Variants in NOL4 observed in about 807,000 individuals in gnomAD.
NOL4 encodes cancer/testis antigen 125.
Under a neutral mutation model 75.9 loss-of-function variants are expected in NOL4, and 17 were observed. The observed-to-expected ratio is 0.22, with a 90% confidence interval of 0.15 to 0.34. The LOEUF is 0.34. Among genes scored for constraint, NOL4 ranks in the 10% least tolerant of loss-of-function variants. NOL4 has a pLI of 1.00. For missense variants in NOL4, 614 were observed against 793.5 expected, an observed-to-expected ratio of 0.77 and a Z score of 2.72; for synonymous variants, 292 against 289.9, an observed-to-expected ratio of 1.01 and a Z score of -0.07.
intron 10 of NOL4, among the ~76,000 whole-genome samples, chr18:33,869,520 T>G (rs2144460352): frequency 6.6e-6 from 1 of 152,076 alleles, no homozygotes; most frequent in Admixed American, 6.6e-5. Flanking sequence ...AATGAATAAA[T>G]GATGGAAGTC....
intron 2 of NOL4, among the ~76,000 whole-genome samples, chr18:34,127,351 G>GTATGA (rs761811251): frequency 1.3e-5 from 2 of 151,874 alleles, no homozygotes; most frequent in African/African-American, 4.8e-5. Context: ...TGTTAAGACA[G>GTATGA]TATGATACAC....
chr18:33,894,412 T>C (rs2065277585), intron 9 of NOL4, among the ~76,000 whole-genome samples: 1 of 152,146 alleles, frequency 6.6e-6, no homozygotes. Flanking sequence ...GCATTCTGTA[T>C]AATGTGCTGT....
intron 2 of NOL4, among the ~76,000 whole-genome samples, chr18:34,108,667 C>T (rs1473729248): frequency 6.6e-6 from 1 of 152,002 alleles, no homozygotes; most frequent in Non-Finnish European, 1.5e-5. Flanking sequence ...TATATATGTA[C>T]CTCAAATCAG....
chr18:33,860,194 A>G (rs902673467), intron 10 of NOL4, among the ~76,000 whole-genome samples: 1 of 152,022 alleles, frequency 6.6e-6, no homozygotes, highest in Non-Finnish European at 1.5e-5. Context: ...ATAACTTCCC[A>G]CCAGGTCCCT....
intron 3 of NOL4, 21 bp downstream of exon 3, chr18:34,105,028 A>T (rs1225626734): frequency 7.0e-7 from 1 of 1,430,588 alleles, no homozygotes. Flanking sequence ...TTTAAATCTC[A>T]CTATTTGACA....
At chr18:33,963,039 T>C (rs1007912343) in intron 6 of NOL4, among the ~76,000 whole-genome samples, 4 of 152,196 alleles carry the variant, frequency 2.6e-5, no homozygotes, top group Non-Finnish European at 5.9e-5. Context: ...TATCATTTCT[T>C]GCCTCTCTTA....
At chr18:34,003,896 C>T (rs1267177962) in intron 6 of NOL4, among the ~76,000 whole-genome samples, 1 of 151,990 alleles carries the variant, frequency 6.6e-6, no homozygotes, top group Non-Finnish European at 1.5e-5. Context: ...CCTCATTATA[C>T]CCTCCTCCCT....
intron 6 of NOL4, among the ~76,000 whole-genome samples, chr18:33,964,435 A>G (rs1272681764): frequency 6.6e-6 from 1 of 151,154 alleles, no homozygotes; most frequent in Non-Finnish European, 1.5e-5. Flanking sequence ...ACTCACCATC[A>G]AGAAAGAAAG....
rs1555696185 is a variant in NOL4 at position 34,024,194 on chromosome 18, A to AAT, written c.773-4595_773-4594dup. 5.4e-3 allele frequency among the ~76,000 whole-genome samples: 382 copies of AAT among 70,688 alleles called. 26 individuals are homozygous for AAT. Among genetic ancestry groups the AAT allele is most frequent in the African/African-American group, 0.014 (261 of 18,968 alleles). 46.4% of individuals were successfully genotyped at this position (70,688 alleles called of 152,430 possible). Reference sequence around the variant, plus strand: ...CAAAATAAACAGGAAAAAAAAAAAAAATATATATATATATATATATAAAAT... The same window carrying AAT: ...CAAAATAAACAGGAAAAAAAAAAAAAATATATATATATATATATATATAAAAT... On this transcript the variant is annotated intron_variant, in intron 5 of 10. Transcript: ENST00000261592.
At chr18:34,017,837 A>G (rs187716162) in intron 6 of NOL4, among the ~76,000 whole-genome samples, 13 of 152,186 alleles carry the variant, frequency 8.5e-5, no homozygotes, top group Non-Finnish European at 2.9e-5. Flanking sequence ...TTCTTCATTT[A>G]CTAAGCCATA....
At chr18:33,968,760 G>A (rs1225151750) in intron 6 of NOL4, among the ~76,000 whole-genome samples, 1 of 152,026 alleles carries the variant, frequency 6.6e-6, no homozygotes, top group East Asian at 1.9e-4. Flanking sequence ...ACCTGCACAT[G>A]TACCCCGGGA....
Position 33,923,471 on chromosome 18 carries a change from A to C in NOL4, c.1542+19594T>G, listed in dbSNP as rs564754772. ...ATTAAGAATTGTAACTCATTATAAA[A>C]GATTATTTCATAATGATATATATCT... On this transcript the variant is annotated intron_variant, in intron 9 of 10. Transcript: ENST00000261592. Among the ~76,000 whole-genome samples the C allele has an allele frequency of 5.3e-5, 8 of 152,182 alleles. No homozygotes were observed. In the South Asian group the frequency reaches 1.5e-3, roughly 28 times the overall value.
chr18:34,159,706 C>A (rs1206592115), intron 1 of NOL4, among the ~76,000 whole-genome samples: 1 of 152,180 alleles, frequency 6.6e-6, no homozygotes, highest in African/African-American at 2.4e-5. Context: ...CTCTCCCAGT[C>A]CCTTCACTCC....
intron 9 of NOL4, among the ~76,000 whole-genome samples, chr18:33,931,845 A>G (rs1009688355): frequency 1.3e-5 from 2 of 152,190 alleles, no homozygotes; most frequent in African/African-American, 4.8e-5. Flanking sequence ...GTATAAATGC[A>G]AAGTTTTTAT....
chr18:34,068,753 A>G (rs1354396544), intron 5 of NOL4, among the ~76,000 whole-genome samples: 1 of 152,152 alleles, frequency 6.6e-6, no homozygotes, highest in African/African-American at 2.4e-5. Context: ...AGCTTTTCCA[A>G]TTTAAACTAA....
chr18:33,896,891 C>A (rs1230624724), intron 9 of NOL4, among the ~76,000 whole-genome samples: 2 of 152,062 alleles, frequency 1.3e-5, no homozygotes, highest in African/African-American at 4.8e-5. Context: ...GTCTAATATC[C>A]AGCATCTATA....
chr18:33,980,272 G>A (rs928320115), intron 6 of NOL4, among the ~76,000 whole-genome samples: 11 of 151,950 alleles, frequency 7.2e-5, no homozygotes, highest in African/African-American at 2.7e-4. Context: ...TCAGTGTGAT[G>A]GACAAGCCTG....
At chr18:33,891,567 T>A (rs913492451) in intron 9 of NOL4, among the ~76,000 whole-genome samples, 1 of 152,130 alleles carries the variant, frequency 6.6e-6, no homozygotes, top group Non-Finnish European at 1.5e-5. Flanking sequence ...TTGGGCAACA[T>A]AAAACTTGAG....
chr18:34,159,168 C>T (rs554647329), intron 1 of NOL4, among the ~76,000 whole-genome samples: 120 of 152,262 alleles, frequency 7.9e-4, no homozygotes, highest in African/African-American at 2.5e-3. Flanking sequence ...GGGAGAAAGG[C>T]GCCCTCCACC....
Sources: allele counts gnomAD v4.1 joint callset (sites outside exome capture counted in the v4.1 genomes callset), GRCh38; gene constraint gnomAD v4.1.1; transcripts MANE v1.5; gene names NCBI Gene and HGNC (gene_info 2026-07-23, HGNC 2026-07-21).